Variants in CRISPLD2 observed in about 807,000 individuals in gnomAD.
The protein encoded by CRISPLD2 is cysteine rich secretory protein LCCL domain containing 2, also known as cysteine-rich secretory protein LCCL domain-containing 2.
CRISPLD2 carries 47 observed loss-of-function variants against 71.1 expected under a neutral mutation model. The ratio of observed to expected loss-of-function variants is 0.66; its 90% CI spans 0.52 to 0.84. CRISPLD2 has a LOEUF of 0.84. Among genes scored for constraint, CRISPLD2 ranks in the 40% least tolerant of loss-of-function variants. CRISPLD2 has a pLI of 0.00. For synonymous variants in CRISPLD2, 317 were observed against 250.1 expected, an observed-to-expected ratio of 1.27 and a Z score of -2.52; for missense variants, 830 against 651.1, an observed-to-expected ratio of 1.27 and a Z score of -2.99.
chr16:84,851,910 T>C (rs1033321044), intron 5 of CRISPLD2, among the ~76,000 whole-genome samples: 23 of 152,232 alleles, frequency 1.5e-4, no homozygotes, highest in African/African-American at 5.3e-4. Context: ...CGACACAGTC[T>C]CACATGCATT....
At chr16:84,873,844 G>A (rs2968143) in intron 10 of CRISPLD2, 76 bp from the exon 11 acceptor site, 481,030 of 1,327,964 alleles carry the variant, frequency 0.36, 89,167 homozygotes, top group African/African-American at 0.47. Context: ...AAGTATAGGA[G>A]CAAGCGTTCA....
At chr16:84,880,477 G>C (rs1349253454) in intron 12 of CRISPLD2, 32 bp from the exon 13 acceptor site, 3 of 1,590,518 alleles carry the variant, frequency 1.9e-6, no homozygotes, top group Non-Finnish European at 2.6e-6. Flanking sequence ...TCTGTGCTCA[G>C]ACCCATCACA....
At chr16:84,873,892 CGTT>C (rs765617369) in intron 10 of CRISPLD2, 25 bp from the exon 11 acceptor site, 16 of 1,382,198 alleles carry the variant, frequency 1.2e-5, no homozygotes, top group Middle Eastern at 1.8e-4. Context: ...ACCTAATGCC[CGTT>C]TTTTTTTTTT....
At chr16:84,848,826 C>G (rs1466030365) in intron 3 of CRISPLD2, among the ~76,000 whole-genome samples, 1 of 151,974 alleles carries the variant, frequency 6.6e-6, no homozygotes, top group Non-Finnish European at 1.5e-5. Context: ...TAGTTTTTCT[C>G]CAACGTACCT....
chr16:84,873,582 A>C (rs1415527859), intron 10 of CRISPLD2: 1 of 242,670 alleles, frequency 4.1e-6, no homozygotes, highest in Non-Finnish European at 7.6e-6. Flanking sequence ...TCATGATATT[A>C]ATAATAACTT....
intron 6 of CRISPLD2, among the ~76,000 whole-genome samples, chr16:84,866,531 C>T (rs962698499): frequency 2.0e-5 from 3 of 152,186 alleles, no homozygotes; most frequent in Non-Finnish European, 2.9e-5. Flanking sequence ...CCACCGCACC[C>T]GGCCTGAGGC....
chr16:84,846,363 G>A (rs751214757), intron 3 of CRISPLD2, among the ~76,000 whole-genome samples: 6 of 151,552 alleles, frequency 4.0e-5, no homozygotes, highest in East Asian at 1.9e-4. Flanking sequence ...AGTGATTCTC[G>A]AGCCTCAGCC....
chr16:84,854,225 C>T (rs573362831), intron 5 of CRISPLD2, among the ~76,000 whole-genome samples: 232 of 152,316 alleles, frequency 1.5e-3, no homozygotes, highest in Non-Finnish European at 2.9e-3. Flanking sequence ...TATTGAATTC[C>T]AGCTCTTCCC....
intron 12 of CRISPLD2, 75 bp from the exon 13 acceptor site, chr16:84,880,433 CA>C: frequency 1.7e-6 from 2 of 1,173,482 alleles, no homozygotes; most frequent in African/African-American, 1.5e-5. Flanking sequence ...TCTTGGAATT[CA>C]AATAAAGAGA....
At chr16:84,898,420 C>G (rs2071725241) in intron 14 of CRISPLD2, among the ~76,000 whole-genome samples, 1 of 152,158 alleles carries the variant, frequency 6.6e-6, no homozygotes, top group Non-Finnish European at 1.5e-5. Context: ...TCACTGGCCT[C>G]TCTGCTCCTT....
intron 11 of CRISPLD2, among the ~76,000 whole-genome samples, chr16:84,876,520 C>T (rs2071519725): frequency 6.7e-6 from 1 of 148,318 alleles, no homozygotes. Flanking sequence ...AAGGCCGGTG[C>T]AGTGGTTTCC....
intron 14 of CRISPLD2, among the ~76,000 whole-genome samples, chr16:84,891,482 G>A (rs574513251): frequency 9.2e-5 from 14 of 152,144 alleles, no homozygotes; most frequent in East Asian, 1.9e-4. Flanking sequence ...CAGCACGTGC[G>A]GCCTTTGATT....
intron 6 of CRISPLD2, among the ~76,000 whole-genome samples, chr16:84,857,032 G>C (rs1334068964): frequency 1.3e-5 from 2 of 152,172 alleles, no homozygotes; most frequent in Non-Finnish European, 2.9e-5. Context: ...GATGGAAGAG[G>C]TCCAATGTAA....
rs746995803 is a variant in CRISPLD2 at position 84,850,542 on chromosome 16, G to C, written c.493-26G>C. ...CCTTTTGTGCCTTATCCCTCGAGCT[G>C]TGACACACAAATGTCATCTTTTCAG... On this transcript the variant is annotated intron_variant, in intron 4 of 14. Coordinates refer to ENST00000262424, the MANE Select transcript of CRISPLD2 (RefSeq NM_031476.4). 2.3e-5 allele frequency: 36 copies of C among 1,596,648 alleles called. No individual in the cohort carries two copies. The African/African-American group carries it at 2.7e-4, about 12-fold the overall frequency.
chr16:84,854,288 G>A (rs1203477951), intron 5 of CRISPLD2, among the ~76,000 whole-genome samples: 1 of 152,202 alleles, frequency 6.6e-6, no homozygotes, highest in East Asian at 1.9e-4. Flanking sequence ...CACAGACCAG[G>A]GATGGTGTGT....
rs776789199 is a variant in CRISPLD2 at position 84,873,076 on chromosome 16, G to A, written c.1066G>A (p.Val356Ile). Residue 356 changes from valine (V) to isoleucine (I), a missense_variant, in exon 10 of 15, where the codon GTC becomes ATC. Coordinates refer to ENST00000262424, the MANE Select transcript of CRISPLD2 (RefSeq NM_031476.4). ...GGTGGATATCACCAGGAACGGGAAGGTCCCCTTCTTCGTGAAGTCTGAGAG... is the reference window on the plus strand; with the variant it reads ...GGTGGATATCACCAGGAACGGGAAGATCCCCTTCTTCGTGAAGTCTGAGAG... ...GLVDITRNGK[V>I]PFFVKSERHG... The A allele has an allele frequency of 1.9e-6, 3 of 1,613,964 alleles. No homozygotes were observed. The highest frequency in any genetic ancestry group is 8.5e-7 in the Non-Finnish European group (1 of 1,179,940).
Position 84,906,611 on chromosome 16 carries a change from A to C in CRISPLD2, c.1463A>C (p.Lys488Thr), listed in dbSNP as rs2071804686. 6.2e-7 allele frequency: 1 copy of C among 1,613,542 alleles called. No individual in the cohort carries two copies. The highest frequency in any genetic ancestry group is 8.5e-7 in the Non-Finnish European group (1 of 1,180,026). The change falls in exon 15 of 15, where the codon AAG (lysine) becomes ACG (threonine). Residue 488 changes from lysine to threonine, a missense_variant. Lys to Thr is a moderately conservative substitution (Grantham distance 78). Coordinates refer to ENST00000262424, the MANE Select transcript of CRISPLD2 (RefSeq NM_031476.4). ...AGCCTGGGGACTCCTCGGGATGGAAAGGCCTTCCGGATCTTTGCTGTCAGG... is the reference window on the plus strand; with the variant it reads ...AGCCTGGGGACTCCTCGGGATGGAACGGCCTTCCGGATCTTTGCTGTCAGG... Reference protein sequence around the residue: ...SESLGTPRDGKAFRIFAVRQ With the variant: ...SESLGTPRDGTAFRIFAVRQ
chr16:84,890,509 G>A (rs1050264356), intron 14 of CRISPLD2, among the ~76,000 whole-genome samples: 6 of 152,112 alleles, frequency 3.9e-5, no homozygotes, highest in African/African-American at 7.2e-5. Context: ...GTTTCTCTTC[G>A]TAGCTGGTGT....
At chr16:84,873,733 G>C (rs1412294204) in intron 10 of CRISPLD2, among the ~76,000 whole-genome samples, 187 bp from the exon 11 acceptor site, 1 of 151,990 alleles carries the variant, frequency 6.6e-6, no homozygotes, top group African/African-American at 2.4e-5. Context: ...AGAGTCCTTG[G>C]TACAAAAAAA....
Sources: gnomAD v4.1 joint callset for allele counts (sites outside exome capture counted in the v4.1 genomes callset) on GRCh38, gnomAD v4.1.1 for gene constraint, MANE v1.5 for transcripts, NCBI Gene and HGNC (gene_info 2026-07-23, HGNC 2026-07-21) for gene names.